SEPHS1: variants seen among roughly 807,000 people sequenced by gnomAD.
SEPHS1 encodes the protein selenophosphate synthetase 1.
SEPHS1 carries 7 observed loss-of-function variants against 39.2 expected under a neutral mutation model. The ratio of observed to expected loss-of-function variants is 0.18; its 90% CI spans 0.10 to 0.34. The LOEUF is 0.34. Among genes scored for constraint, SEPHS1 ranks in the 10% least tolerant of loss-of-function variants. SEPHS1 has a pLI of 1.00. For synonymous variants in SEPHS1, 190 were observed against 195.5 expected (o/e 0.97, Z 0.23); for missense variants, 253 against 514.5 (o/e 0.49, Z 4.92).
chr10:13,322,977 A>G lies in SEPHS1; in HGVS notation c.822T>C (p.His274=), dbSNP rs761098289. 102 of 1,614,072 alleles carry G rather than the reference A, an allele frequency of 6.3e-5. No individual in the cohort carries two copies. The highest frequency in any genetic ancestry group is 1.0e-4 in the Admixed American group (6 of 60,010). ...TCTGCTGCTTGGCCAGGTTCTGCGC[A>G]TGGCCCAAAATCCCGAAGCCCGTGA... ...TDITGFGILG[H]AQNLAKQQRN... The change falls in exon 8 of 9, where the codon CAT becomes CAC. Residue 274 remains histidine, a synonymous_variant. Transcript: ENST00000327347.
intron 7 of SEPHS1, among the ~76,000 whole-genome samples, chr10:13,323,570 A>G (rs1232819380): frequency 2.6e-5 from 4 of 151,968 alleles, no homozygotes; most frequent in Non-Finnish European, 4.4e-5. Context: ...GGCCAGGCTG[A>G]TCTTGAACTC....
intron 2 of SEPHS1, 195 bp from the exon 3 acceptor site, chr10:13,339,003 C>G (rs1392310647): frequency 5.1e-6 from 3 of 593,892 alleles, no homozygotes; most frequent in African/African-American, 3.7e-5. Context: ...ATGGAAAATA[C>G]CAATGAAAAT....
chr10:13,338,955 G>A (rs930983125), intron 2 of SEPHS1, 147 bp from the exon 3 acceptor site: 16 of 656,644 alleles, frequency 2.4e-5, no homozygotes, highest in African/African-American at 7.2e-5. Flanking sequence ...CTATCAAGAA[G>A]CGTAACTGAA....
rs562038894 is a variant in SEPHS1 at position 13,325,895 on chromosome 10, C to CAAAAAAA, written c.751+2449_751+2455dup. Among the ~76,000 whole-genome samples, 5 of 26,444 alleles carry CAAAAAAA rather than the reference C, an allele frequency of 1.9e-4. 1 individual carries two copies. The highest frequency in any genetic ancestry group is 2.2e-3 in the South Asian group (1 of 456). 17.3% of individuals were successfully genotyped at this position (26,444 alleles called of 152,430 possible). On this transcript the variant is annotated intron_variant, in intron 7 of 8. Coordinates refer to ENST00000327347, the MANE Select transcript of SEPHS1 (RefSeq NM_012247.5). The stretch of plus-strand genomic sequence containing the variant: ...CCTGGGCGACAGCGAGACTCCGTCT[C>CAAAAAAA]AAAAAAAAAAAAAAAAAAAAAAAAA...
intron 8 of SEPHS1, among the ~76,000 whole-genome samples, chr10:13,320,233 T>G (rs575797434): frequency 1.4e-3 from 215 of 152,098 alleles, no homozygotes; most frequent in Non-Finnish European, 2.4e-3. Context: ...CCAGGTTGGA[T>G]TGCAGTGGTG....
chr10:13,326,578 C>T, intron 7 of SEPHS1, among the ~76,000 whole-genome samples: 1 of 149,082 alleles, frequency 6.7e-6, no homozygotes, highest in Non-Finnish European at 1.5e-5. Context: ...GACATGATCT[C>T]ACCCTGTCAC....
chr10:13,343,837 C>G (rs934991758), intron 2 of SEPHS1, among the ~76,000 whole-genome samples: 1 of 152,090 alleles, frequency 6.6e-6, no homozygotes, highest in Non-Finnish European at 1.5e-5. Context: ...GAAAACTGAT[C>G]AAGTCACACA....
In SEPHS1 at chr10:13,322,938, C is replaced by G. The variant is rs544382444; in HGVS notation, c.861G>C (p.Ser287=). 1.9e-6 allele frequency: 3 copies of G among 1,613,912 alleles called. No homozygotes were observed. The highest frequency in any genetic ancestry group is 2.2e-5 in the East Asian group (1 of 44,890). ...GCACCGGGAGGTTGTGAATTACAAA[C>G]GACACCTCGTTCCTCTGCTGCTTGG... ...NLAKQQRNEV[S]FVIHNLPVLA... The change falls in exon 8 of 9, where the codon TCG becomes TCC. Residue 287 remains serine (S), a synonymous_variant. Coordinates refer to ENST00000327347, the MANE Select transcript of SEPHS1 (RefSeq NM_012247.5).
chr10:13,323,433 C>A (rs1833171916), intron 7 of SEPHS1, among the ~76,000 whole-genome samples: 1 of 152,160 alleles, frequency 6.6e-6, no homozygotes, highest in South Asian at 2.1e-4. Context: ...CGGCTCACTG[C>A]AACCTCTGCC....
At chr10:13,323,088 C>T (rs1472273400) in intron 7 of SEPHS1, 41 bp from the exon 8 acceptor site, 1 of 1,537,984 alleles carries the variant, frequency 6.5e-7, no homozygotes, top group Admixed American at 1.7e-5. Context: ...AAACACCTTT[C>T]CTCAACTCAA....
Position 13,342,075 on chromosome 10 carries a change from C to T in SEPHS1, c.193+2683G>A, listed in dbSNP as rs562792690. Among the ~76,000 whole-genome samples the T allele has an allele frequency of 8.0e-5, 12 of 150,466 alleles. No individual in the cohort carries two copies. The East Asian group carries it at 2.0e-3, about 25-fold the overall frequency. ...CAGGCGGATCACGAGGTCAGGAGAT[C>T]GAGACCACTGTGAAACCCCGTCTCT... is the stretch of plus-strand genomic sequence containing the variant. On this transcript the variant is annotated intron_variant, in intron 2 of 8. Transcript: ENST00000327347.
intron 3 of SEPHS1, among the ~76,000 whole-genome samples, chr10:13,338,238 T>C (rs1833696180): frequency 6.6e-6 from 1 of 152,194 alleles, no homozygotes. Flanking sequence ...GAATTAATGT[T>C]TGAGGCATCT....
At chr10:13,342,160 G>A (rs762844774) in intron 2 of SEPHS1, among the ~76,000 whole-genome samples, 1 of 151,822 alleles carries the variant, frequency 6.6e-6, no homozygotes. Context: ...CCAGCTACTC[G>A]GGAGGCTGAG....
At chr10:13,327,565 A>G (rs1280928175) in intron 7 of SEPHS1, among the ~76,000 whole-genome samples, 2 of 152,270 alleles carry the variant, frequency 1.3e-5, no homozygotes, top group Admixed American at 6.5e-5. Flanking sequence ...AAAAATGTAT[A>G]AAATAAATGG....
intron 1 of SEPHS1, among the ~76,000 whole-genome samples, chr10:13,345,952 C>T (rs1833909250): frequency 6.6e-6 from 1 of 152,270 alleles, no homozygotes; most frequent in South Asian, 2.1e-4. Context: ...TTAAAAACTA[C>T]AGTGGCAGTT....
In SEPHS1 at chr10:13,317,823, C is replaced by T. The variant is rs757585054; in HGVS notation, c.*1319G>A. The stretch of plus-strand genomic sequence containing the variant: ...GATCCAGCGCCCTTGTGCTTAATGA[C>T]AGGAATCCCTCCTCATTGCTTAGTA... On this transcript the variant is annotated 3_prime_UTR_variant, in exon 9 of 9. Transcript: ENST00000327347. The T allele has an allele frequency of 3.3e-5, 5 of 152,186 alleles. No individual in the cohort carries two copies. Among genetic ancestry groups the T allele is most frequent in the Non-Finnish European group, 7.3e-5 (5 of 68,038 alleles). 9.4% of individuals were successfully genotyped at this position (152,186 alleles called of 1,614,324 possible).
intron 3 of SEPHS1, among the ~76,000 whole-genome samples, chr10:13,337,327 T>C (rs1243182456): frequency 6.6e-6 from 1 of 152,232 alleles, no homozygotes; most frequent in Non-Finnish European, 1.5e-5. Context: ...TTAGGAACTT[T>C]AAAATACAAT....
At chr10:13,320,611 G>A (rs550904956) in intron 8 of SEPHS1, among the ~76,000 whole-genome samples, 20 of 151,818 alleles carry the variant, frequency 1.3e-4, no homozygotes, top group Admixed American at 3.3e-4. Flanking sequence ...AGGCCGAGGC[G>A]GGTGGATCAC....
At chr10:13,320,192 T>TC (rs1404167128) in intron 8 of SEPHS1, among the ~76,000 whole-genome samples, 1 of 152,158 alleles carries the variant, frequency 6.6e-6, no homozygotes, top group Non-Finnish European at 1.5e-5. Flanking sequence ...CATAAATTTT[T>TC]TTTTTTTTTG....
Sources: allele counts gnomAD v4.1 joint callset (sites outside exome capture counted in the v4.1 genomes callset), GRCh38; gene constraint gnomAD v4.1.1; transcripts MANE v1.5; gene names NCBI Gene and HGNC (gene_info 2026-07-23, HGNC 2026-07-21).